The following L3MBTL3 variants were observed in gnomAD, a reference collection of about 807,000 sequenced individuals.
L3MBTL3 encodes the protein L3MBTL histone methyl-lysine binding protein 3.
In L3MBTL3, 27 loss-of-function variants were observed where a neutral mutation model predicts 102.3. The observed-to-expected ratio is 0.26, with a 90% CI of 0.19 to 0.36. L3MBTL3 has a LOEUF of 0.36. Ranked by LOEUF, L3MBTL3 falls within the 10% of genes least tolerant of loss-of-function variation. L3MBTL3 has a pLI of 1.00. For missense variants in L3MBTL3, 798 were observed against 955.3 expected (o/e 0.84, Z 2.17); for synonymous variants, 340 against 320.9 (o/e 1.06, Z -0.64).
intron 22 of L3MBTL3, chr6:130,137,979 A>C (rs1477950083): frequency 6.6e-6 from 1 of 152,200 alleles, no homozygotes; most frequent in Non-Finnish European, 1.5e-5. Flanking sequence ...GGAGATTAAC[A>C]CTGGAACGTC....
chr6:130,070,535 TA>T lies in L3MBTL3; in HGVS notation c.1093-440del, dbSNP rs1434291613. 1.4e-4 allele frequency among the ~76,000 whole-genome samples: 21 copies of T among 152,272 alleles called. No homozygotes were observed. The East Asian group carries it at 3.7e-3, about 27-fold the overall frequency. ...ATTTTCGGAAGTGGGAGTGAATTTG[TA>T]CTGACTCATGCACATTTTTAACTTG... On this transcript the variant is annotated intron_variant, in intron 12 of 22. Transcript: ENST00000361794.
At chr6:130,124,175 A>G (rs541003710) in intron 20 of L3MBTL3, among the ~76,000 whole-genome samples, 91 of 152,164 alleles carry the variant, frequency 6.0e-4, no homozygotes, top group African/African-American at 2.1e-3. Context: ...AAATTGACCA[A>G]TCCTCGGATG....
chr6:130,068,483 T>G (rs765979559), intron 12 of L3MBTL3, 62 bp downstream of exon 12: 89 of 833,014 alleles, frequency 1.1e-4, no homozygotes, highest in Non-Finnish European at 1.6e-4. Flanking sequence ...TCTCATAGGA[T>G]CAATTACAAG....
chr6:130,077,877 T>C (rs1783057717), intron 13 of L3MBTL3, among the ~76,000 whole-genome samples: 1 of 152,116 alleles, frequency 6.6e-6, no homozygotes, highest in South Asian at 2.1e-4. Flanking sequence ...TGCAGAACAC[T>C]CGGGTTCCAT....
rs149473404 is a variant in L3MBTL3, at chr6:130,120,987, T to C, written c.1966+29T>C. ...GCCATAATAATTCTCATATTACTAA[T>C]GTGTATTACTGCTAATATGAAACAA... On this transcript the variant is annotated intron_variant, in intron 20 of 22. Coordinates refer to ENST00000361794, the MANE Select transcript of L3MBTL3 (RefSeq NM_032438.4). 3.4e-5 allele frequency: 45 copies of C among 1,327,880 alleles called. No individual in the cohort carries two copies. In the East Asian group the frequency reaches 8.1e-4, roughly 24 times the overall value. 82.3% of individuals were successfully genotyped at this position (1,327,880 alleles called of 1,614,324 possible). A position where few individuals can be genotyped will look rare whatever the true frequency, so the allele number is the denominator to read the frequency against.
intron 18 of L3MBTL3, among the ~76,000 whole-genome samples, chr6:130,102,096 AG>A (rs1215750606): frequency 2.0e-5 from 3 of 149,780 alleles, no homozygotes; most frequent in South Asian, 2.1e-4. Context: ...ATTCTATCTC[AG>A]GGGGAAAAAA....
intron 15 of L3MBTL3, among the ~76,000 whole-genome samples, chr6:130,085,222 T>C (rs1039187300): frequency 5.9e-5 from 9 of 152,194 alleles, no homozygotes; most frequent in South Asian, 2.1e-4. Flanking sequence ...ACAATCACCT[T>C]ATCTTCCACT....
In L3MBTL3 at chr6:130,086,260, C is replaced by G. The variant is rs763923640; in HGVS notation, c.1518+10C>G. 1 of 1,541,310 alleles carries G rather than the reference C, an allele frequency of 6.5e-7. No homozygotes were observed. On this transcript the variant is annotated intron_variant, in intron 16 of 22. Coordinates refer to ENST00000361794, the MANE Select transcript of L3MBTL3 (RefSeq NM_032438.4). ...TGATCACCGGGTAAAAGTAAGTGTT[C>G]TGTGTGGGGGGTTGGCTTTGTCTTT...
intron 10 of L3MBTL3, among the ~76,000 whole-genome samples, chr6:130,063,877 C>G (rs1032887596): frequency 6.6e-6 from 1 of 152,138 alleles, no homozygotes; most frequent in Non-Finnish European, 1.5e-5. Context: ...ATTCCCAGTA[C>G]GAGAACTGAA....
At chr6:130,079,331 G>C (rs1783162598) in intron 14 of L3MBTL3, among the ~76,000 whole-genome samples, 1 of 152,136 alleles carries the variant, frequency 6.6e-6, no homozygotes, top group Non-Finnish European at 1.5e-5. Context: ...AGGCGCTTCT[G>C]CTCTCTGCCT....
At chr6:130,072,654 T>C (rs1782711401) in intron 13 of L3MBTL3, among the ~76,000 whole-genome samples, 1 of 152,204 alleles carries the variant, frequency 6.6e-6, no homozygotes, top group South Asian at 2.1e-4. Context: ...ATCCAGTATG[T>C]TTCCTCTGTA....
chr6:130,113,987 C>A lies in L3MBTL3; in HGVS notation c.1887-6892C>A, dbSNP rs535411846. On this transcript the variant is annotated intron_variant, in intron 19 of 22. Coordinates refer to ENST00000361794, the MANE Select transcript of L3MBTL3 (RefSeq NM_032438.4). ...AAGTTGGTTTTTTGCCCCATGAGGT[C>A]TTCTGGGCCGAGAGCTTCATGTTGA... 2.6e-5 allele frequency among the ~76,000 whole-genome samples: 4 copies of A among 152,288 alleles called. No individual in the cohort carries two copies. In the South Asian group the frequency reaches 8.3e-4, roughly 32 times the overall value.
At chr6:130,095,741 G>C (rs1784324219) in intron 18 of L3MBTL3, among the ~76,000 whole-genome samples, 3 of 152,196 alleles carry the variant, frequency 2.0e-5, no homozygotes, top group Admixed American at 2.0e-4. Context: ...TATGGCGAGG[G>C]CTTTCTTGCT....
At chr6:130,092,437 G>A (rs1436569953) in intron 16 of L3MBTL3, among the ~76,000 whole-genome samples, 1 of 151,706 alleles carries the variant, frequency 6.6e-6, no homozygotes, top group African/African-American at 2.4e-5. Context: ...ATATGAAGAT[G>A]TTATAACAGT....
intron 7 of L3MBTL3, 142 bp from the exon 8 acceptor site, chr6:130,055,029 C>T (rs1458450800): frequency 1.5e-6 from 1 of 656,048 alleles, no homozygotes; most frequent in Non-Finnish European, 2.7e-6. Flanking sequence ...TTCAGATGAA[C>T]TATATTCTTA....
chr6:130,063,812 A>G (rs1782064969), intron 10 of L3MBTL3, among the ~76,000 whole-genome samples: 1 of 152,174 alleles, frequency 6.6e-6, no homozygotes, highest in Non-Finnish European at 1.5e-5. Context: ...ATCACCCAAG[A>G]AAAGCACAAA....
intron 2 of L3MBTL3, among the ~76,000 whole-genome samples, chr6:130,027,049 A>G (rs1180393181): frequency 6.6e-6 from 1 of 152,202 alleles, no homozygotes; most frequent in Admixed American, 6.5e-5. Flanking sequence ...GGTGTTATAC[A>G]CTGTAACCAA....
rs756848548 is a variant in L3MBTL3, at chr6:130,086,182, G to A, written c.1450G>A (p.Val484Ile). 3 of 1,613,262 alleles carry A rather than the reference G, an allele frequency of 1.9e-6. No homozygotes were observed. The South Asian group carries it at 3.3e-5, about 18-fold the overall frequency. Residue 484 changes from valine (V) to isoleucine (I), a missense_variant, in exon 16 of 23, where the codon GTA becomes ATA. This residue lies in a region of L3MBTL3 where 306 missense variants were observed against 314.4 expected (regional missense o/e 0.97). Transcript: ENST00000361794. ...CCAGAAAAAAATGAAGCTTGAGGTTGTAGACAAAAGGAACCCTATGTTTAT... is the reference window on the plus strand; with the variant it reads ...CCAGAAAAAAATGAAGCTTGAGGTTATAGACAAAAGGAACCCTATGTTTAT... ...GFQKKMKLEV[V>I]DKRNPMFIRV...
At chr6:130,044,043 T>G (rs534950276) in intron 3 of L3MBTL3, among the ~76,000 whole-genome samples, 38 of 152,302 alleles carry the variant, frequency 2.5e-4, no homozygotes, top group Non-Finnish European at 5.3e-4. Flanking sequence ...AGCGTTTTGC[T>G]TGCGCTGACA....
Sources: allele counts gnomAD v4.1 joint callset (sites outside exome capture counted in the v4.1 genomes callset), GRCh38; gene constraint gnomAD v4.1.1; regional missense constraint gnomAD v4.1.1; transcripts MANE v1.5; gene names NCBI Gene and HGNC (gene_info 2026-07-23, HGNC 2026-07-21).